PTPRK: variants seen among roughly 807,000 people sequenced by gnomAD.
The protein encoded by PTPRK is receptor-type tyrosine-protein phosphatase kappa.
PTPRK carries 75 observed loss-of-function variants against 178.0 expected under a neutral mutation model. That is an observed-to-expected ratio of 0.42 (90% confidence interval 0.35 to 0.51). The LOEUF (loss-of-function observed/expected upper bound fraction) is 0.51. Among genes scored for constraint, PTPRK ranks in the 20% least tolerant of loss-of-function variants. The pLI, the probability that PTPRK is intolerant of heterozygous loss-of-function variation, is 0.02. For missense variants in PTPRK, 1,441 were observed against 1,797.8 expected (o/e 0.80, Z 3.59); for synonymous variants, 637 against 620.6 (o/e 1.03, Z -0.39).
intron 13 of PTPRK, among the ~76,000 whole-genome samples, chr6:128,036,707 T>C (rs1159049957): frequency 1.3e-5 from 2 of 150,542 alleles, no homozygotes; most frequent in Non-Finnish European, 3.0e-5. Context: ...ATTTTGAAAA[T>C]AAACGAACTG....
intron 1 of PTPRK, chr6:128,500,761 A>G (rs1198157333): frequency 6.6e-6 from 1 of 152,218 alleles, no homozygotes; most frequent in Non-Finnish European, 1.5e-5. Context: ...AGAAGAGTTA[A>G]AAATCTACAT....
At chr6:128,392,749 CAAAA>C (rs1562425897) in intron 2 of PTPRK, among the ~76,000 whole-genome samples, 1 of 9,856 alleles carries the variant, frequency 1.0e-4, no homozygotes, top group Non-Finnish European at 1.4e-3. Flanking sequence ...AAGTCAAAAA[CAAAA>C]AGAGAGAAAG....
intron 7 of PTPRK, among the ~76,000 whole-genome samples, chr6:128,139,038 T>G (rs1583183396): frequency 6.6e-6 from 1 of 151,880 alleles, no homozygotes; most frequent in South Asian, 2.1e-4. Flanking sequence ...TAGGGGAGAA[T>G]AATGTGAGCT....
At chr6:128,278,893 G>A (rs1821231619) in intron 3 of PTPRK, among the ~76,000 whole-genome samples, 1 of 152,082 alleles carries the variant, frequency 6.6e-6, no homozygotes, top group Non-Finnish European at 1.5e-5. Context: ...CTCATTTCAG[G>A]TCAGTGCTCT....
intron 13 of PTPRK, among the ~76,000 whole-genome samples, chr6:128,030,824 G>C (rs924446276): frequency 1.5e-4 from 23 of 152,130 alleles, no homozygotes; most frequent in Admixed American, 1.5e-3. Flanking sequence ...CCCCTCAAAA[G>C]TCTAAAATGT....
chr6:128,392,926 T>C (rs1839800802), intron 2 of PTPRK, among the ~76,000 whole-genome samples: 1 of 152,142 alleles, frequency 6.6e-6, no homozygotes. Context: ...AAATGGGGTA[T>C]TTTTGAATTC....
rs374034410 is a variant in PTPRK, at chr6:128,256,966, C to G, written c.496-14364G>C. Among the ~76,000 whole-genome samples, 62 of 151,976 alleles carry G rather than the reference C, an allele frequency of 4.1e-4. No individual in the cohort carries two copies. In the South Asian group the frequency reaches 0.012, roughly 31 times the overall value. ...TTAAAACCTGGGAGATGGAGTGGCT[C>G]ATGCCTGTAATCCCAGAACTTTGGG... On this transcript the variant is annotated intron_variant, in intron 3 of 29. Coordinates refer to ENST00000368226, the MANE Select transcript of PTPRK (RefSeq NM_002844.4).
At chr6:128,142,542 T>C (rs1286711785) in intron 7 of PTPRK, among the ~76,000 whole-genome samples, 1 of 151,436 alleles carries the variant, frequency 6.6e-6, no homozygotes, top group African/African-American at 2.4e-5. Context: ...ATATATAAAA[T>C]ATATACATAA....
At chr6:128,393,537 ATCT>A (rs950020640) in intron 2 of PTPRK, among the ~76,000 whole-genome samples, 2 of 152,208 alleles carry the variant, frequency 1.3e-5, no homozygotes, top group African/African-American at 2.4e-5. Context: ...AGTCAGGAAA[ATCT>A]TCTCAAAGCA....
At chr6:128,093,359 C>A (rs1787315954) in intron 7 of PTPRK, among the ~76,000 whole-genome samples, 1 of 151,652 alleles carries the variant, frequency 6.6e-6, no homozygotes, top group Non-Finnish European at 1.5e-5. Context: ...TTTGGGAGGC[C>A]ATGGTGGGCA....
intron 1 of PTPRK, among the ~76,000 whole-genome samples, chr6:128,463,720 C>T (rs915077812): frequency 6.0e-5 from 8 of 132,774 alleles, no homozygotes; most frequent in Non-Finnish European, 9.6e-5. Flanking sequence ...TCAGCCTTCT[C>T]TATAAAAGTC....
intron 2 of PTPRK, among the ~76,000 whole-genome samples, chr6:128,371,627 C>T (rs751587400): frequency 1.6e-4 from 24 of 152,120 alleles, no homozygotes; most frequent in Non-Finnish European, 2.8e-4. Flanking sequence ...CTCTAAGATA[C>T]TGAAAGAACC....
chr6:128,034,374 A>G (rs1243527369), intron 13 of PTPRK, among the ~76,000 whole-genome samples: 1 of 152,220 alleles, frequency 6.6e-6, no homozygotes, highest in East Asian at 1.9e-4. Flanking sequence ...CAACCACCAC[A>G]ATGTTTAATA....
intron 3 of PTPRK, among the ~76,000 whole-genome samples, chr6:128,278,358 C>G (rs987022922): frequency 1.1e-4 from 16 of 152,000 alleles, no homozygotes; most frequent in African/African-American, 2.9e-4. Flanking sequence ...GTGTTTCACT[C>G]TGTTTGCCAG....
intron 1 of PTPRK, among the ~76,000 whole-genome samples, chr6:128,442,016 A>G (rs745723400): frequency 1.6e-4 from 24 of 152,172 alleles, no homozygotes; most frequent in Admixed American, 1.3e-4. Flanking sequence ...GGAGTCATCA[A>G]AAGTCAGATC....
chr6:128,183,458 T>C (rs1439863387), intron 7 of PTPRK, among the ~76,000 whole-genome samples: 3 of 152,190 alleles, frequency 2.0e-5, no homozygotes, highest in Admixed American at 1.3e-4. Context: ...CTCAGGCTAA[T>C]AGTTGAGAAG....
chr6:128,122,705 C>T (rs1020434895), intron 7 of PTPRK, among the ~76,000 whole-genome samples: 2 of 152,100 alleles, frequency 1.3e-5, no homozygotes, highest in African/African-American at 4.8e-5. Flanking sequence ...TTATCACCTA[C>T]AAATGAAGGA....
intron 7 of PTPRK, among the ~76,000 whole-genome samples, chr6:128,173,457 A>G (rs1800595848): frequency 6.6e-6 from 1 of 152,012 alleles, no homozygotes; most frequent in Non-Finnish European, 1.5e-5. Flanking sequence ...AAATTATAGT[A>G]TACTCATGAA....
chr6:128,387,551 C>T (rs1376176782), intron 2 of PTPRK, among the ~76,000 whole-genome samples: 1 of 152,092 alleles, frequency 6.6e-6, no homozygotes, highest in Non-Finnish European at 1.5e-5. Flanking sequence ...TCTTTTGAAC[C>T]AGTCTTACTA....
Sources: gnomAD v4.1 joint callset for allele counts (sites outside exome capture counted in the v4.1 genomes callset) on GRCh38, gnomAD v4.1.1 for gene constraint, MANE v1.5 for transcripts, NCBI Gene and HGNC (gene_info 2026-07-23, HGNC 2026-07-21) for gene names.